Variants in DLG2 observed in about 807,000 individuals in gnomAD.
DLG2 encodes the protein discs large MAGUK scaffold protein 2.
A neutral mutation model predicts 132.5 loss-of-function variants in DLG2; 45 were observed. The observed-to-expected ratio is 0.34, with a 90% CI of 0.27 to 0.44. DLG2 has a LOEUF of 0.44. DLG2 is among the 20% of genes least tolerant of loss of function. The probability of loss-of-function intolerance (pLI) is 1.00; values close to 1 mark genes in which losing one functional copy is unlikely to be tolerated. For missense variants in DLG2, 1,045 were observed against 1,196.9 expected (o/e 0.87, Z 1.87); for synonymous variants, 424 against 419.6 (o/e 1.01, Z -0.13).
At chr11:83,753,374 G>T (rs1223035451) in intron 18 of DLG2, among the ~76,000 whole-genome samples, 1 of 152,102 alleles carries the variant, frequency 6.6e-6, no homozygotes, top group Non-Finnish European at 1.5e-5. Context: ...AGTGAGCCAA[G>T]ATTGTGCCAC....
intron 3 of DLG2, among the ~76,000 whole-genome samples, chr11:85,323,121 T>C (rs745541038): frequency 1.3e-5 from 2 of 152,254 alleles, no homozygotes; most frequent in Non-Finnish European, 1.5e-5. Context: ...CTCTGTACCA[T>C]ATTGGGTCAC....
At chr11:84,075,331 A>G (rs1236954765) in intron 10 of DLG2, among the ~76,000 whole-genome samples, 1 of 152,126 alleles carries the variant, frequency 6.6e-6, no homozygotes, top group East Asian at 1.9e-4. Context: ...TCTTCTGCCC[A>G]CCTTTCTTAG....
At chr11:84,166,740 T>A (rs2095675385) in intron 8 of DLG2, 1 of 345,260 alleles carries the variant, frequency 2.9e-6, no homozygotes, top group Non-Finnish European at 5.8e-6. Flanking sequence ...ATCTTGTGTA[T>A]CCTCACTCAG....
chr11:85,529,488 GCATCTAGTAGT>G (rs1156287052), intron 3 of DLG2, among the ~76,000 whole-genome samples: 1 of 151,660 alleles, frequency 6.6e-6, no homozygotes, highest in Non-Finnish European at 1.5e-5. Flanking sequence ...AAGTCCTATG[GCATCTAGTAGT>G]CATCTGATAG....
At chr11:84,653,770 C>A (rs1252840977) in intron 6 of DLG2, among the ~76,000 whole-genome samples, 3 of 152,160 alleles carry the variant, frequency 2.0e-5, no homozygotes, top group Non-Finnish European at 2.9e-5. Context: ...ATGTCTCCTG[C>A]TCCTCTCAGT....
chr11:85,056,208 T>C (rs546183932), intron 6 of DLG2, among the ~76,000 whole-genome samples: 1 of 152,208 alleles, frequency 6.6e-6, no homozygotes, highest in East Asian at 1.9e-4. Flanking sequence ...AGAAAATAAA[T>C]GGCATCCCTA....
intron 8 of DLG2, among the ~76,000 whole-genome samples, chr11:84,223,333 T>A (rs532898990): frequency 1.4e-4 from 22 of 152,274 alleles, no homozygotes; most frequent in Non-Finnish European, 2.8e-4. Context: ...GCGCATGGGA[T>A]TCTAAACAAT....
intron 3 of DLG2, among the ~76,000 whole-genome samples, chr11:85,462,812 A>C (rs2092660141): frequency 6.6e-6 from 1 of 152,002 alleles, no homozygotes; most frequent in Admixed American, 6.6e-5. Flanking sequence ...TTAAAAAAAA[A>C]AATGAAAACC....
Position 83,867,391 on chromosome 11 carries a change from T to C in DLG2, c.1565+7029A>G, listed in dbSNP as rs529151789. 5.1e-4 allele frequency among the ~76,000 whole-genome samples: 77 copies of C among 152,204 alleles called. 2 individuals are homozygous for C. Among genetic ancestry groups the C allele is most frequent in the Non-Finnish European group, 4.7e-4 (32 of 68,026 alleles). ...TTAAAATATACAATATTTAATGTTA[T>C]ATTTTTAGCCCTTAAATATAGAAAA... On this transcript the variant is annotated intron_variant, in intron 16 of 27. Coordinates refer to ENST00000376104, the MANE Select transcript of DLG2 (RefSeq NM_001142699.3).
chr11:84,286,254 T>C (rs558803371), intron 7 of DLG2, among the ~76,000 whole-genome samples: 167 of 152,176 alleles, frequency 1.1e-3, no homozygotes, highest in Non-Finnish European at 1.8e-3. Context: ...GACTTTACAG[T>C]GGCTTCCAGT....
intron 6 of DLG2, among the ~76,000 whole-genome samples, chr11:84,709,549 G>A (rs1217863846): frequency 6.6e-6 from 1 of 151,870 alleles, no homozygotes; most frequent in African/African-American, 2.4e-5. Flanking sequence ...AGAAGTGAAA[G>A]AGCTTCCCCA....
intron 6 of DLG2, among the ~76,000 whole-genome samples, chr11:84,790,492 G>A (rs750120809): frequency 3.9e-5 from 6 of 152,050 alleles, no homozygotes; most frequent in African/African-American, 1.4e-4. Flanking sequence ...TTAATATCTT[G>A]TTAGATGTGT....
At chr11:85,383,312 T>C (rs564256043) in intron 3 of DLG2, among the ~76,000 whole-genome samples, 2 of 152,068 alleles carry the variant, frequency 1.3e-5, no homozygotes, top group Non-Finnish European at 2.9e-5. Context: ...GTGCTGAGGA[T>C]AGGGGATGTG....
At chr11:85,367,508 C>G (rs927762917) in intron 3 of DLG2, among the ~76,000 whole-genome samples, 1 of 152,076 alleles carries the variant, frequency 6.6e-6, no homozygotes, top group Non-Finnish European at 1.5e-5. Flanking sequence ...TATTATGGCA[C>G]TATTATTATT....
chr11:83,876,817 T>A (rs957864101), intron 15 of DLG2, among the ~76,000 whole-genome samples: 2 of 152,128 alleles, frequency 1.3e-5, no homozygotes, highest in Admixed American at 1.3e-4. Flanking sequence ...CAGAAACATA[T>A]GTAACTTCAT....
chr11:83,986,998 C>G (rs1396015258), intron 11 of DLG2, among the ~76,000 whole-genome samples: 1 of 152,062 alleles, frequency 6.6e-6, no homozygotes, highest in African/African-American at 2.4e-5. Context: ...AATTTTCTCC[C>G]ATTTTGTAGG....
chr11:83,768,468 A>C (rs762155845), intron 18 of DLG2, among the ~76,000 whole-genome samples: 1 of 152,176 alleles, frequency 6.6e-6, no homozygotes, highest in African/African-American at 2.4e-5. Flanking sequence ...TCCTAATCAC[A>C]GTTCCATTTA....
chr11:84,948,540 C>T (rs1450552119), intron 6 of DLG2, among the ~76,000 whole-genome samples: 1 of 152,182 alleles, frequency 6.6e-6, no homozygotes, highest in Non-Finnish European at 1.5e-5. Flanking sequence ...GAAATTTTGT[C>T]ATCTAAATGC....
intron 5 of DLG2, among the ~76,000 whole-genome samples, chr11:85,134,314 G>C (rs1003291808): frequency 3.3e-5 from 5 of 149,498 alleles, no homozygotes; most frequent in Non-Finnish European, 7.4e-5. Flanking sequence ...CGGATCACGA[G>C]GTCAGGAGAT....
Sources: allele counts gnomAD v4.1 joint callset (sites outside exome capture counted in the v4.1 genomes callset), GRCh38; gene constraint gnomAD v4.1.1; transcripts MANE v1.5; gene names NCBI Gene and HGNC (gene_info 2026-07-23, HGNC 2026-07-21).